Variants in PLEKHO1 observed in about 807,000 individuals in gnomAD.
PLEKHO1 encodes the protein pleckstrin homology domain-containing family O member 1.
Under a neutral mutation model 41.4 loss-of-function variants are expected in PLEKHO1, and 22 were observed. The observed-to-expected ratio is 0.53, with a 90% confidence interval of 0.38 to 0.76. The LOEUF (loss-of-function observed/expected upper bound fraction) is 0.76, where lower values mean the gene tolerates loss of function less well. Among genes scored for constraint, PLEKHO1 ranks in the 30% least tolerant of loss-of-function variants. PLEKHO1 has a pLI of 0.00. For synonymous variants in PLEKHO1, 225 were observed against 210.8 expected (o/e 1.07, Z -0.58); for missense variants, 488 against 518.3 (o/e 0.94, Z 0.57).
rs180824449 is a variant in PLEKHO1, at chr1:150,157,341, C to T, written c.424-44C>T. On this transcript the variant is annotated intron_variant, in intron 4 of 5. Transcript: ENST00000369124. ...GCCTCGGGATGCTGGGTTGGGACAG[C>T]GAGTCGCTGAAGAGCACTCATGATT... The T allele has an allele frequency of 7.6e-4, 1,078 of 1,416,554 alleles. 2 individuals are homozygous for T. Among genetic ancestry groups the T allele is most frequent in the South Asian group, 1.6e-3 (138 of 86,808 alleles). 87.7% of individuals were successfully genotyped at this position (1,416,554 alleles called of 1,614,324 possible).
intron 2 of PLEKHO1, chr1:150,155,323 G>C (rs1332690093): frequency 1.3e-5 from 2 of 151,972 alleles, no homozygotes; most frequent in East Asian, 3.9e-4. Context: ...GAGAGTCTAA[G>C]TGCATTCTTG....
chr1:150,149,749 G>C (rs1553817938), upstream of PLEKHO1: 1 of 152,022 alleles, frequency 6.6e-6, no homozygotes, highest in African/African-American at 2.4e-5. Context: ...CCTGGGGAGC[G>C]GTCTCCAGCC....
chr1:150,150,788 C>A (rs587746366), intron 1 of PLEKHO1, 124 bp from the exon 2 acceptor site: 91 of 844,548 alleles, frequency 1.1e-4, no homozygotes, highest in African/African-American at 1.1e-3. Flanking sequence ...TGGGGCGGCC[C>A]CCCGCCCCCC....
At chr1:150,158,306 A>G (rs1660261382) in intron 5 of PLEKHO1, among the ~76,000 whole-genome samples, 1 of 152,182 alleles carries the variant, frequency 6.6e-6, no homozygotes, top group Admixed American at 6.5e-5. Context: ...GGAAACAAGT[A>G]ACAAACTAAA....
chr1:150,153,703 G>A (rs1363986955), intron 2 of PLEKHO1: 1 of 152,138 alleles, frequency 6.6e-6, no homozygotes, highest in Non-Finnish European at 1.5e-5. Flanking sequence ...CTCAAAGAGG[G>A]CTGGAGCACC....
chr1:150,151,101 C>G, intron 2 of PLEKHO1, 43 bp downstream of exon 2: 1 of 1,609,744 alleles, frequency 6.2e-7, no homozygotes, highest in Admixed American at 1.7e-5. Flanking sequence ...CTCATAGCCC[C>G]CACTTTGTCA....
chr1:150,155,991 A>G (rs1660152351), intron 2 of PLEKHO1, 75 bp from the exon 3 acceptor site: 3 of 1,382,586 alleles, frequency 2.2e-6, no homozygotes, highest in Admixed American at 1.9e-5. Context: ...GTTTCCCAAG[A>G]TGATCTAAAC....
At chr1:150,153,757 G>A (rs1660054129) in intron 2 of PLEKHO1, 2 of 152,198 alleles carry the variant, frequency 1.3e-5, no homozygotes, top group South Asian at 4.1e-4. Context: ...CTAGACCTTA[G>A]GAAGACCTCA....
rs782311608 is a variant in PLEKHO1 at position 150,158,831 on chromosome 1, A to G, written c.538A>G (p.Thr180Ala). Residue 180 changes from threonine (T) to alanine (A), a missense_variant, in exon 6 of 6, where the codon ACC becomes GCC. By Grantham distance (58) the Thr-to-Ala change is moderately conservative. Coordinates refer to ENST00000369124, the MANE Select transcript of PLEKHO1 (RefSeq NM_016274.6). ...GHLMAVASTSTSDGMLTLDLI... is the reference protein window; with the variant it reads ...GHLMAVASTSASDGMLTLDLI... Reference sequence around the variant, plus strand: ...CCTTCCTCCACAGGCTTCCACCTCTACCTCGGATGGGATGCTGACCTTGGA... The same window carrying G: ...CCTTCCTCCACAGGCTTCCACCTCTGCCTCGGATGGGATGCTGACCTTGGA... 1.2e-6 allele frequency: 2 copies of G among 1,603,272 alleles called. No individual in the cohort carries two copies. The highest frequency in any genetic ancestry group is 1.7e-6 in the Non-Finnish European group (2 of 1,171,648).
chr1:150,156,240 A>G (rs1660163219), intron 3 of PLEKHO1, 34 bp downstream of exon 3: 15 of 1,603,838 alleles, frequency 9.4e-6, no homozygotes, highest in Admixed American at 3.4e-5. Context: ...CTGCTGGAAC[A>G]TGGACAGGGT....
At position 150,157,399 on chromosome 1, in the gene PLEKHO1, G is replaced by A. The variant is rs113983437; in HGVS notation, c.438G>A (p.Glu146=). 4,833 of 1,613,474 alleles carry A rather than the reference G, an allele frequency of 3.0e-3. 92 individuals are homozygous for A. The African/African-American group carries it at 0.045, about 15-fold the overall frequency. ...NRILDEVTVE[E]DSYLAHPTRD... is the part of the protein sequence containing the mutation. ...CATCTCTTCAGGTCACCGTTGAGGAGGACAGCTATCTTGCCCATCCCACTC... is the reference window on the plus strand; with the variant it reads ...CATCTCTTCAGGTCACCGTTGAGGAAGACAGCTATCTTGCCCATCCCACTC... The change falls in exon 5 of 6, where the codon GAG becomes GAA. Residue 146 remains glutamate (E), a synonymous_variant. Transcript: ENST00000369124.
rs1553821176 is a variant in PLEKHO1, at chr1:150,158,949, C to A, written c.656C>A (p.Ala219Glu). 1.2e-6 allele frequency: 2 copies of A among 1,614,162 alleles called. No individual in the cohort carries two copies. Among genetic ancestry groups the A allele is most frequent in the South Asian group, 2.2e-5 (2 of 91,086 alleles). Residue 219 changes from alanine (A) to glutamate (E), a missense_variant, in exon 6 of 6, where the codon GCA becomes GAA. Physicochemically the swap from Ala to Glu is moderately radical, Grantham distance 107. Coordinates refer to ENST00000369124, the MANE Select transcript of PLEKHO1 (RefSeq NM_016274.6). ...CTGGACAAGTCTGTGGCCCAGCTGG[C>A]AGGGAGCCGGCGGAGAGCGGACTCA... ...VDLDKSVAQL[A>E]GSRRRADSDR...
chr1:150,157,028 A>G lies in PLEKHO1; in HGVS notation c.423+13A>G, dbSNP rs1346341853. ...TATCTTGGATGAGGTCAGGGGGCTC[A>G]CTGTGGGGAGAGGGAGGAACGCTGG... On this transcript the variant is annotated intron_variant, in intron 4 of 5. Coordinates refer to ENST00000369124, the MANE Select transcript of PLEKHO1 (RefSeq NM_016274.6). The G allele has an allele frequency of 7.8e-6, 12 of 1,538,098 alleles. No individual in the cohort carries two copies. The highest frequency in any genetic ancestry group is 1.1e-5 in the Non-Finnish European group (12 of 1,110,638).
chr1:150,158,968 G>A lies in PLEKHO1; in HGVS notation c.675G>A (p.Ala225=), dbSNP rs782361584. The A allele has an allele frequency of 3.0e-5, 48 of 1,614,020 alleles. No homozygotes were observed. Among genetic ancestry groups the A allele is most frequent in the Middle Eastern group, 1.6e-4 (1 of 6,084 alleles). Residue 225 remains alanine (A), a synonymous_variant, in exon 6 of 6, where the codon GCG becomes GCA. Transcript: ENST00000369124. ...AGCTGGCAGGGAGCCGGCGGAGAGCGGACTCAGACCGCATCCAGCCCTCCG... is the reference window on the plus strand; with the variant it reads ...AGCTGGCAGGGAGCCGGCGGAGAGCAGACTCAGACCGCATCCAGCCCTCCG... ...VAQLAGSRRR[A]DSDRIQPSAD... is the part of the protein sequence containing the mutation.
In PLEKHO1 at chr1:150,158,894, A is replaced by C. The variant is rs146105595; in HGVS notation, c.601A>C (p.Thr201Pro). The change falls in exon 6 of 6, where the codon ACC (threonine) becomes CCC (proline). Residue 201 changes from threonine to proline, a missense_variant. Physicochemically the swap from Thr to Pro is conservative, Grantham distance 38. Coordinates refer to ENST00000369124, the MANE Select transcript of PLEKHO1 (RefSeq NM_016274.6). ...GGAAGACCCTTCCCCTGAGGAACCA[A>C]CCTCTTGTGCTGAGAGCTTTCGGGT... ...QEEDPSPEEP[T>P]SCAESFRVDL... is the part of the protein sequence containing the mutation. The C allele has an allele frequency of 6.2e-6, 10 of 1,613,668 alleles. No homozygotes were observed. Among genetic ancestry groups the C allele is most frequent in the South Asian group, 1.1e-5 (1 of 91,072 alleles).
In PLEKHO1 at chr1:150,150,193, TGCCGCCGAGGCCCCGACGCGGG is replaced by T. The variant is rs1299804217; in HGVS notation, c.-58_-37del. 188 of 829,066 alleles carry T rather than the reference TGCCGCCGAGGCCCCGACGCGGG, an allele frequency of 2.3e-4. No individual in the cohort carries two copies. Among genetic ancestry groups the T allele is most frequent in the Non-Finnish European group, 2.7e-4 (182 of 682,320 alleles). The allele number at this position is 829,066 out of a possible 1,614,324, so 51.4% of individuals were successfully genotyped here. On this transcript the variant is annotated 5_prime_UTR_variant, in exon 1 of 6. Coordinates refer to ENST00000369124, the MANE Select transcript of PLEKHO1 (RefSeq NM_016274.6). The stretch of plus-strand genomic sequence containing the variant: ...TCCCGCGGGGAAGGAGCCCCCGCGG[TGCCGCCGAGGCCCCGACGCGGG>T]GCCGCCCCTCGGCTCGCCGCCCCGC...
Position 150,157,370 on chromosome 1 carries a change from A to C in PLEKHO1, c.424-15A>C, listed in dbSNP as rs782536680. 1.1e-5 allele frequency: 17 copies of C among 1,594,340 alleles called. No individual in the cohort carries two copies. Among genetic ancestry groups the C allele is most frequent in the Non-Finnish European group, 1.5e-5 (17 of 1,162,314 alleles). The stretch of plus-strand genomic sequence containing the variant: ...TCGCTGAAGAGCACTCATGATTCAC[A>C]GTACATCTCTTCAGGTCACCGTTGA... On this transcript the variant is annotated splice_polypyrimidine_tract_variant and intron_variant, in intron 4 of 5. Coordinates refer to ENST00000369124, the MANE Select transcript of PLEKHO1 (RefSeq NM_016274.6).
In PLEKHO1 at chr1:150,159,771, G is replaced by A; in HGVS notation, c.*248G>A. On this transcript the variant is annotated 3_prime_UTR_variant, in exon 6 of 6. Transcript: ENST00000369124. ...AAGTTTTTACCCAGCCAGAGAGAGA[G>A]AAGGCACGGTAAAGACACAGTCTGA... 2 of 429,528 alleles carry A rather than the reference G, an allele frequency of 4.7e-6. No homozygotes were observed. The highest frequency in any genetic ancestry group is 8.5e-5 in the South Asian group (2 of 23,574). The allele number at this position is 429,528 out of a possible 1,614,324, so 26.6% of individuals were successfully genotyped here.
chr1:150,152,782 G>A (rs1660006299), intron 2 of PLEKHO1: 1 of 151,032 alleles, frequency 6.6e-6, no homozygotes, highest in East Asian at 1.9e-4. Context: ...TACGAATCAG[G>A]GAGAACTTCC....
Sources: allele counts gnomAD v4.1 joint callset (sites outside exome capture counted in the v4.1 genomes callset), GRCh38; gene constraint gnomAD v4.1.1; transcripts MANE v1.5; gene names NCBI Gene and HGNC (gene_info 2026-07-23, HGNC 2026-07-21).